Variants in CRMP1 observed in about 807,000 individuals in gnomAD.
The protein encoded by CRMP1 is dihydropyrimidinase-related protein 1.
A neutral mutation model predicts 68.3 loss-of-function variants in CRMP1; 19 were observed. The ratio of observed to expected loss-of-function variants is 0.28; its 90% CI spans 0.19 to 0.41. The LOEUF is 0.41. Ranked by LOEUF, CRMP1 falls within the 10% of genes least tolerant of loss-of-function variation. CRMP1 has a pLI of 1.00. For missense variants in CRMP1, 791 were observed against 967.4 expected, an observed-to-expected ratio of 0.82 and a Z score of 2.42; for synonymous variants, 439 against 399.6, an observed-to-expected ratio of 1.10 and a Z score of -1.18.
chr4:5,884,977 C>T (rs945793968), intron 1 of CRMP1, among the ~76,000 whole-genome samples: 12 of 112,498 alleles, frequency 1.1e-4, no homozygotes, highest in African/African-American at 3.8e-4. Flanking sequence ...CCAAGTGTGC[C>T]ATTCATTAAA....
In CRMP1 at chr4:5,877,025, A is replaced by T. The variant is rs986551149; in HGVS notation, c.382-10269T>A. Among the ~76,000 whole-genome samples the T allele has an allele frequency of 1.3e-5, 2 of 152,262 alleles. No individual in the cohort carries two copies. The highest frequency in any genetic ancestry group is 2.9e-5 in the Non-Finnish European group (2 of 68,018). On this transcript the variant is annotated intron_variant, in intron 1 of 13. Transcript: ENST00000324989. The surrounding 1 kb of genome is among the most constrained non-coding windows in gnomAD (Gnocchi z 4.3). ...GCCCATGTGACCTGCTTTGGCTGGG[A>T]GTGCACCAGTCTGAGCACAAGCTTT...
At chr4:5,840,536 G>A (rs1021336400) in intron 8 of CRMP1, among the ~76,000 whole-genome samples, 4 of 152,238 alleles carry the variant, frequency 2.6e-5, no homozygotes, top group Non-Finnish European at 5.9e-5. Flanking sequence ...AGCGAGGGGG[G>A]TGCCCTGTAT....
Position 5,888,527 on chromosome 4 carries a change from G to C in CRMP1, c.381+4062C>G. The C allele has an allele frequency of 8.5e-7, 1 of 1,177,770 alleles. No homozygotes were observed. The highest frequency in any genetic ancestry group is 1.0e-6 in the Non-Finnish European group (1 of 953,444). The allele number at this position is 1,177,770 out of a possible 1,614,324, so 73.0% of individuals were successfully genotyped here. ...GGAGGGAGAGGCGAGGGCGGGAGGA[G>C]GGGGCTGCAGACAGCTCCTCCCGGC... On this transcript the variant is annotated intron_variant, in intron 1 of 13. Transcript: ENST00000324989. This position sits in a 1 kb window ranked among gnomAD's most constrained non-coding sequence, Gnocchi z 6.4.
Position 5,888,495 on chromosome 4 carries a change from A to C in CRMP1, c.381+4094T>G. 1 of 1,201,916 alleles carries C rather than the reference A, an allele frequency of 8.3e-7. No homozygotes were observed. The highest frequency in any genetic ancestry group is 1.0e-6 in the Non-Finnish European group (1 of 969,146). 74.5% of individuals were successfully genotyped at this position (1,201,916 alleles called of 1,614,324 possible). On this transcript the variant is annotated intron_variant, in intron 1 of 13. Coordinates refer to ENST00000324989, the MANE Select transcript of CRMP1 (RefSeq NM_001014809.3). This position sits in a 1 kb window ranked among gnomAD's most constrained non-coding sequence, Gnocchi z 6.4. Reference sequence around the variant, plus strand: ...CGCCCGGATCGGCGAGGAGGGCGGGAGAAGGAGGAGGGAGAGGCGAGGGCG... The same window carrying C: ...CGCCCGGATCGGCGAGGAGGGCGGGCGAAGGAGGAGGGAGAGGCGAGGGCG...
intron 6 of CRMP1, among the ~76,000 whole-genome samples, chr4:5,846,572 A>C (rs1712214430): frequency 6.7e-6 from 1 of 150,214 alleles, no homozygotes; most frequent in African/African-American, 2.4e-5. Flanking sequence ...ATGTGATGTG[A>C]AAAGAAGCAG....
At chr4:5,836,996 T>C in intron 9 of CRMP1, 90 bp from the exon 10 acceptor site, 2 of 1,393,900 alleles carry the variant, frequency 1.4e-6, no homozygotes, top group Non-Finnish European at 9.7e-7. Flanking sequence ...GCACAGCCAG[T>C]GAATGAATGA....
intron 1 of CRMP1, among the ~76,000 whole-genome samples, chr4:5,867,406 A>T (rs889794089): frequency 2.0e-5 from 3 of 152,212 alleles, no homozygotes; most frequent in Non-Finnish European, 2.9e-5. Context: ...ACAGGGAGTT[A>T]TCAAGGTATT....
In CRMP1 at chr4:5,883,186, C is replaced by T. The variant is rs1715320142; in HGVS notation, c.381+9403G>A. Among the ~76,000 whole-genome samples the T allele has an allele frequency of 6.6e-6, 1 of 152,170 alleles. No individual in the cohort carries two copies. The highest frequency in any genetic ancestry group is 1.5e-5 in the Non-Finnish European group (1 of 68,038). ...TTCTGCCAGGGCTGAGTCATCTCTT[C>T]TCTGAATTCCTCTGACACCTGTGCC... On this transcript the variant is annotated intron_variant, in intron 1 of 13. Coordinates refer to ENST00000324989, the MANE Select transcript of CRMP1 (RefSeq NM_001014809.3). This position sits in a 1 kb window ranked among gnomAD's most constrained non-coding sequence, Gnocchi z 4.5.
rs1712971969 is a variant in CRMP1, at chr4:5,855,351, C to G, written c.820+792G>C. 6.6e-6 allele frequency among the ~76,000 whole-genome samples: 1 copy of G among 152,200 alleles called. No individual in the cohort carries two copies. Among genetic ancestry groups the G allele is most frequent in the Admixed American group, 6.5e-5 (1 of 15,276 alleles). ...CACCCTCGCTCTCCTTGAAGCACCA[C>G]CATTTGAGGCTGCCTCCTCAGAGGG... is the stretch of plus-strand genomic sequence containing the variant. On this transcript the variant is annotated intron_variant, in intron 4 of 13. Transcript: ENST00000324989. This position sits in a 1 kb window ranked among gnomAD's most constrained non-coding sequence, Gnocchi z 4.9.
At chr4:5,864,277 C>G (rs61603771) in intron 2 of CRMP1, among the ~76,000 whole-genome samples, 2 of 152,248 alleles carry the variant, frequency 1.3e-5, no homozygotes, top group East Asian at 1.9e-4. Context: ...GGGGAGCCCA[C>G]GAGATCATTC....
In CRMP1 at chr4:5,891,902, C is replaced by T. The variant is rs941520298; in HGVS notation, c.381+687G>A. On this transcript the variant is annotated intron_variant, in intron 1 of 13. Coordinates refer to ENST00000324989, the MANE Select transcript of CRMP1 (RefSeq NM_001014809.3). The surrounding 1 kb of genome is among the most constrained non-coding windows in gnomAD (Gnocchi z 5.2). ...GACCCCAGTTCAAATCCCAGCTCTA[C>T]CTCCACCTTGCTCTGTGAAGCAGGC... 6.6e-6 allele frequency among the ~76,000 whole-genome samples: 1 copy of T among 152,206 alleles called. No individual in the cohort carries two copies. The highest frequency in any genetic ancestry group is 1.5e-5 in the Non-Finnish European group (1 of 68,038).
At position 5,820,783 on chromosome 4, in the gene CRMP1, T is replaced by C. The variant is rs1343650358; in HGVS notation, c.*977A>G. On this transcript the variant is annotated 3_prime_UTR_variant, in exon 14 of 14. Coordinates refer to ENST00000324989, the MANE Select transcript of CRMP1 (RefSeq NM_001014809.3). Reference sequence around the variant, plus strand: ...CTGAAATGAAAGTGCCCTAGTCAGGTCAGTGGGCAGTTCATTTTCTTTATT... The same window carrying C: ...CTGAAATGAAAGTGCCCTAGTCAGGCCAGTGGGCAGTTCATTTTCTTTATT... 3 of 150,626 alleles carry C rather than the reference T, an allele frequency of 2.0e-5. No individual in the cohort carries two copies. Among genetic ancestry groups the C allele is most frequent in the African/African-American group, 5.0e-5 (2 of 40,252 alleles). 9.3% of individuals were successfully genotyped at this position (150,626 alleles called of 1,614,324 possible).
chr4:5,821,922 T>G lies in CRMP1; in HGVS notation c.1970-71A>C, dbSNP rs1265782405. 8.2e-7 allele frequency: 1 copy of G among 1,223,162 alleles called. No homozygotes were observed. Among genetic ancestry groups the G allele is most frequent in the Non-Finnish European group, 1.1e-6 (1 of 903,306 alleles). 75.8% of individuals were successfully genotyped at this position (1,223,162 alleles called of 1,614,324 possible). On this transcript the variant is annotated intron_variant, in intron 13 of 13. Coordinates refer to ENST00000324989, the MANE Select transcript of CRMP1 (RefSeq NM_001014809.3). The surrounding 1 kb of genome is among the most constrained non-coding windows in gnomAD (Gnocchi z 4.4). ...AGTTCCACGCTGCTCCTGGAGGCCA[T>G]GTACTCTGCCATGCACTCCACTGGA...
At chr4:5,869,814 G>A (rs1714318488) in intron 1 of CRMP1, among the ~76,000 whole-genome samples, 1 of 152,086 alleles carries the variant, frequency 6.6e-6, no homozygotes, top group Non-Finnish European at 1.5e-5. Context: ...GTGGTTCCAG[G>A]GTCTGGAGGG....
intron 11 of CRMP1, among the ~76,000 whole-genome samples, chr4:5,829,104 G>A (rs1720142957): frequency 1.3e-5 from 2 of 152,140 alleles, no homozygotes; most frequent in African/African-American, 2.4e-5. Flanking sequence ...TGTGCCATAT[G>A]GCCAAATTAT....
chr4:5,863,421 AG>A (rs1381349713), intron 2 of CRMP1, among the ~76,000 whole-genome samples: 1 of 152,212 alleles, frequency 6.6e-6, no homozygotes, highest in Non-Finnish European at 1.5e-5. Context: ...GCCTAATATC[AG>A]AGCTCTGACC....
In CRMP1 at chr4:5,841,642, T is replaced by C. The variant is rs1008909304; in HGVS notation, c.1033-214A>G. 2.6e-5 allele frequency among the ~76,000 whole-genome samples: 4 copies of C among 152,196 alleles called. No individual in the cohort carries two copies. Among genetic ancestry groups the C allele is most frequent in the Admixed American group, 2.6e-4 (4 of 15,282 alleles). ...ATACGGCAGCAACATCCAAGCGCTA[T>C]ACAAGTTTATAGCACTGCCTCCCAG... On this transcript the variant is annotated intron_variant, in intron 7 of 13. Coordinates refer to ENST00000324989, the MANE Select transcript of CRMP1 (RefSeq NM_001014809.3). This position sits in a 1 kb window ranked among gnomAD's most constrained non-coding sequence, Gnocchi z 6.9.
chr4:5,871,116 T>C (rs1714405519), intron 1 of CRMP1, among the ~76,000 whole-genome samples: 1 of 151,922 alleles, frequency 6.6e-6, no homozygotes, highest in African/African-American at 2.4e-5. Context: ...CAACTACCAA[T>C]AGACACTGCA....
Position 5,842,641 on chromosome 4 carries a change from CTG to C in CRMP1, c.1032+450_1032+451del, listed in dbSNP as rs1711856849. 6.6e-6 allele frequency among the ~76,000 whole-genome samples: 1 copy of C among 150,782 alleles called. No homozygotes were observed. Among genetic ancestry groups the C allele is most frequent in the Non-Finnish European group, 1.5e-5 (1 of 67,762 alleles). On this transcript the variant is annotated intron_variant, in intron 7 of 13. Coordinates refer to ENST00000324989, the MANE Select transcript of CRMP1 (RefSeq NM_001014809.3). The surrounding 1 kb of genome is among the most constrained non-coding windows in gnomAD (Gnocchi z 4.5). ...ACTCACTCACACACACACACACGCA[CTG>C]TCTCTCTCACACACACACACTAACA...
Sources: gnomAD v4.1 joint callset for allele counts (sites outside exome capture counted in the v4.1 genomes callset) on GRCh38, gnomAD v4.1.1 for gene constraint, Gnocchi (gnomAD v3.1) non-coding constraint, MANE v1.5 for transcripts, NCBI Gene and HGNC (gene_info 2026-07-23, HGNC 2026-07-21) for gene names.